The following DLGAP1 variants were observed in gnomAD, a reference collection of about 807,000 sequenced individuals.
DLGAP1 encodes DLG associated protein 1, also known as disks large-associated protein 1.
A neutral mutation model predicts 90.8 loss-of-function variants in DLGAP1; 11 were observed. That is an observed-to-expected ratio of 0.12 (90% CI 0.08 to 0.20). The LOEUF is 0.20. DLGAP1 is among the 10% of genes least tolerant of loss of function. The pLI is 1.00. For missense variants in DLGAP1, 1,050 were observed against 1,333.8 expected (o/e 0.79, Z 3.31); for synonymous variants, 558 against 540.7 (o/e 1.03, Z -0.44).
chr18:3,963,163 G>A (rs2073241518), intron 3 of DLGAP1, among the ~76,000 whole-genome samples: 1 of 152,120 alleles, frequency 6.6e-6, no homozygotes, highest in African/African-American at 2.4e-5. Flanking sequence ...TTCCTTAACT[G>A]GAACATAGCC....
chr18:4,044,353 A>G (rs538314436), intron 2 of DLGAP1, among the ~76,000 whole-genome samples: 15 of 152,244 alleles, frequency 9.9e-5, no homozygotes, highest in Non-Finnish European at 2.1e-4. Context: ...ACATCTCTAC[A>G]GTCCTCCAAT....
At position 4,454,523 on chromosome 18, in the gene DLGAP1, C is replaced by T. The variant is rs2083922444; in HGVS notation, c.-267+483G>A. 2.0e-5 allele frequency among the ~76,000 whole-genome samples: 3 copies of T among 152,130 alleles called. No individual in the cohort carries two copies. On this transcript the variant is annotated intron_variant, in intron 1 of 12. Coordinates refer to ENST00000315677, the MANE Select transcript of DLGAP1 (RefSeq NM_004746.4). This position sits in a 1 kb window ranked among gnomAD's most constrained non-coding sequence, Gnocchi z 4.7. ...CAATGCCAAAATGTCACCCAAAAAG[C>T]TAGTGCAACAACTTGCTTTGCAAAC... is the stretch of plus-strand genomic sequence containing the variant.
chr18:4,028,297 T>TA (rs542454071), intron 2 of DLGAP1, among the ~76,000 whole-genome samples: 1 of 152,154 alleles, frequency 6.6e-6, no homozygotes, highest in Non-Finnish European at 1.5e-5. Context: ...CATATTTATA[T>TA]AAAAAAATAC....
At chr18:3,639,847 T>C (rs4629070) in intron 7 of DLGAP1, among the ~76,000 whole-genome samples, 32,683 of 129,642 alleles carry the variant, frequency 0.25, 7,422 homozygotes, top group African/African-American at 0.53. Context: ...CTCCGCCTCC[T>C]GGGTTCACGC....
chr18:4,018,828 C>G (rs1317661918), intron 2 of DLGAP1, among the ~76,000 whole-genome samples: 1 of 152,140 alleles, frequency 6.6e-6, no homozygotes, highest in Admixed American at 6.5e-5. Context: ...TTAAGCTTTA[C>G]AGCAAAAGTA....
At chr18:3,675,770 T>C (rs1434683435) in intron 7 of DLGAP1, among the ~76,000 whole-genome samples, 1 of 152,202 alleles carries the variant, frequency 6.6e-6, no homozygotes. Context: ...AACAACAGGC[T>C]CTCTGAAGAG....
intron 1 of DLGAP1, among the ~76,000 whole-genome samples, chr18:4,278,294 T>C (rs2079463749): frequency 6.6e-6 from 1 of 152,188 alleles, no homozygotes; most frequent in African/African-American, 2.4e-5. Context: ...TATTTTATTT[T>C]ACTTATTTGT....
At chr18:4,151,964 C>A (rs1386136282) in intron 1 of DLGAP1, among the ~76,000 whole-genome samples, 1 of 152,068 alleles carries the variant, frequency 6.6e-6, no homozygotes, top group African/African-American at 2.4e-5. Flanking sequence ...TATCCCAGAA[C>A]TTAAAGTAAA....
At chr18:3,619,484 G>T (rs1482358976) in intron 7 of DLGAP1, among the ~76,000 whole-genome samples, 1 of 152,172 alleles carries the variant, frequency 6.6e-6, no homozygotes, top group Non-Finnish European at 1.5e-5. Flanking sequence ...GTCCTAGAAA[G>T]TCCAGAAAGT....
chr18:3,818,922 G>A (rs1380393312), intron 4 of DLGAP1, among the ~76,000 whole-genome samples: 5 of 151,862 alleles, frequency 3.3e-5, no homozygotes, highest in Non-Finnish European at 7.4e-5. Flanking sequence ...GAATTGAAAT[G>A]ATGTCACTGC....
intron 1 of DLGAP1, among the ~76,000 whole-genome samples, chr18:4,369,519 T>A (rs914752806): frequency 1.3e-5 from 2 of 152,192 alleles, no homozygotes; most frequent in African/African-American, 4.8e-5. Context: ...GGAATTAGGA[T>A]CTCAATCTAA....
chr18:4,359,188 C>T (rs1236264247), intron 1 of DLGAP1, among the ~76,000 whole-genome samples: 3 of 152,148 alleles, frequency 2.0e-5, no homozygotes, highest in South Asian at 2.1e-4. Flanking sequence ...GGACATGCTA[C>T]CGTAAAATAT....
intron 3 of DLGAP1, among the ~76,000 whole-genome samples, chr18:3,919,632 A>T (rs548144163): frequency 2.6e-5 from 4 of 152,356 alleles, no homozygotes; most frequent in African/African-American, 9.6e-5. Context: ...TATTAAGGTG[A>T]TAAGTTGTAA....
chr18:4,154,716 T>C (rs2076727606), intron 1 of DLGAP1, among the ~76,000 whole-genome samples: 1 of 152,140 alleles, frequency 6.6e-6, no homozygotes, highest in Non-Finnish European at 1.5e-5. Flanking sequence ...TTACCTAGCC[T>C]CTCTCAGTTT....
rs1333636136 is a variant in DLGAP1 at position 3,582,101 on chromosome 18, A to G, written c.1739T>C (p.Ile580Thr). The change falls in exon 8 of 13, where the codon ATT (isoleucine) becomes ACT (threonine). Residue 580 changes from isoleucine (I) to threonine (T), a missense_variant. Physicochemically the swap from Ile to Thr is moderately conservative, Grantham distance 89. This residue lies in a region of DLGAP1 where 565 missense variants were observed against 879.7 expected (regional missense o/e 0.64). Transcript: ENST00000315677. Reference sequence around the variant, plus strand: ...GTTGCTGAGTCCAGACTGGCTGATAATATCTCCTCGCTGGCCCTGTCCGTC... The same window carrying G: ...GTTGCTGAGTCCAGACTGGCTGATAGTATCTCCTCGCTGGCCCTGTCCGTC... ...YMDGQGQRGD[I>T]ISQSGLSNST... is the part of the protein sequence containing the mutation. 6.2e-7 allele frequency: 1 copy of G among 1,613,002 alleles called. No individual in the cohort carries two copies. Among genetic ancestry groups the G allele is most frequent in the Non-Finnish European group, 8.5e-7 (1 of 1,179,824 alleles).
At chr18:4,405,158 A>G (rs1471336155) in intron 1 of DLGAP1, among the ~76,000 whole-genome samples, 1 of 152,210 alleles carries the variant, frequency 6.6e-6, no homozygotes, top group Non-Finnish European at 1.5e-5. Flanking sequence ...TTTTCTTGCA[A>G]TTATAAACTA....
intron 2 of DLGAP1, among the ~76,000 whole-genome samples, chr18:4,035,896 T>A (rs2074879750): frequency 6.6e-6 from 1 of 152,094 alleles, no homozygotes; most frequent in South Asian, 2.1e-4. Flanking sequence ...CAGTCTAATT[T>A]TGGTGACATT....
At chr18:3,923,066 G>A (rs559704266) in intron 3 of DLGAP1, among the ~76,000 whole-genome samples, 6 of 150,940 alleles carry the variant, frequency 4.0e-5, no homozygotes, top group African/African-American at 7.3e-5. Context: ...CCCAGGAGGC[G>A]GAGGTTGCAG....
intron 5 of DLGAP1, among the ~76,000 whole-genome samples, chr18:3,810,315 C>T (rs1356334060): frequency 1.3e-5 from 2 of 151,980 alleles, no homozygotes; most frequent in African/African-American, 4.8e-5. Context: ...GAAAAACCAC[C>T]CACATAAATA....
Sources: allele counts gnomAD v4.1 joint callset (sites outside exome capture counted in the v4.1 genomes callset), GRCh38; gene constraint gnomAD v4.1.1; regional missense constraint gnomAD v4.1.1; non-coding constraint Gnocchi (gnomAD v3.1); transcripts MANE v1.5; gene names NCBI Gene and HGNC (gene_info 2026-07-23, HGNC 2026-07-21).